Variants in L3MBTL3 observed in about 807,000 individuals in gnomAD.
L3MBTL3 encodes the protein L3MBTL histone methyl-lysine binding protein 3.
In L3MBTL3, 27 loss-of-function variants were observed where a neutral mutation model predicts 102.3. That is an observed-to-expected ratio of 0.26 (90% CI 0.19 to 0.36). The LOEUF (loss-of-function observed/expected upper bound fraction) is 0.36, where lower values mean the gene tolerates loss of function less well. L3MBTL3 is among the 10% of genes least tolerant of loss of function. L3MBTL3 has a pLI of 1.00. For missense variants in L3MBTL3, 798 were observed against 955.3 expected (o/e 0.84, Z 2.17); for synonymous variants, 340 against 320.9 (o/e 1.06, Z -0.64).
chr6:130,121,155 C>G lies in L3MBTL3; in HGVS notation c.1966+197C>G, dbSNP rs77000706. ...ACTCGTGTCATGAGGGTTTGTTATA[C>G]AGATTATTTCATCACCCACGAATTA... On this transcript the variant is annotated intron_variant, in intron 20 of 22. Coordinates refer to ENST00000361794, the MANE Select transcript of L3MBTL3 (RefSeq NM_032438.4). 2.0e-3 allele frequency among the ~76,000 whole-genome samples: 306 copies of G among 152,202 alleles called. 1 individual carries two copies. The highest frequency in any genetic ancestry group is 7.2e-3 in the African/African-American group (299 of 41,524).
Position 130,066,503 on chromosome 6 carries a change from TG to T in L3MBTL3, c.1000+16del. The T allele has an allele frequency of 6.2e-7, 1 of 1,602,742 alleles. No individual in the cohort carries two copies. The highest frequency in any genetic ancestry group is 1.3e-5 in the African/African-American group (1 of 74,678). On this transcript the variant is annotated intron_variant, in intron 11 of 22. Transcript: ENST00000361794. ...TCCTCCAAAAGGTTTTGTCACTTTT[TG>T]TTTGATATTTTAAATTCAGTAAAAA... is the stretch of plus-strand genomic sequence containing the variant.
intron 2 of L3MBTL3, among the ~76,000 whole-genome samples, chr6:130,029,635 A>G (rs1562248881): frequency 6.6e-6 from 1 of 152,148 alleles, no homozygotes; most frequent in Non-Finnish European, 1.5e-5. Flanking sequence ...ATTGTTCTTG[A>G]CTGCCCTGCT....
At chr6:130,125,521 A>G (rs1786538468) in intron 20 of L3MBTL3, among the ~76,000 whole-genome samples, 1 of 152,168 alleles carries the variant, frequency 6.6e-6, no homozygotes, top group Admixed American at 6.5e-5. Context: ...CGTCCCGAGA[A>G]GTTTTCCCAA....
intron 19 of L3MBTL3, among the ~76,000 whole-genome samples, chr6:130,112,715 G>A (rs1001520423): frequency 2.3e-5 from 3 of 133,138 alleles, no homozygotes; most frequent in Admixed American, 2.2e-4. Context: ...ATATTAAGAC[G>A]GTCCCACCCT....
At chr6:130,077,794 C>T (rs1026057322) in intron 13 of L3MBTL3, among the ~76,000 whole-genome samples, 5 of 152,176 alleles carry the variant, frequency 3.3e-5, no homozygotes, top group African/African-American at 9.6e-5. Flanking sequence ...ACTCAACAGA[C>T]CTCCTAGTTA....
At chr6:130,033,837 T>C (rs975685269) in intron 2 of L3MBTL3, among the ~76,000 whole-genome samples, 1 of 152,272 alleles carries the variant, frequency 6.6e-6, no homozygotes, top group Non-Finnish European at 1.5e-5. Context: ...TTAACTGGTC[T>C]TGATGAATGT....
At chr6:130,020,754 A>T (rs1209519054) in intron 1 of L3MBTL3, 1 of 140,020 alleles carries the variant, frequency 7.1e-6, no homozygotes, top group Non-Finnish European at 1.5e-5. Context: ...CGATTTTTTG[A>T]GGGGACCCGA....
chr6:130,034,113 T>C (rs1475349464), intron 2 of L3MBTL3, among the ~76,000 whole-genome samples: 1 of 152,166 alleles, frequency 6.6e-6, no homozygotes, highest in Non-Finnish European at 1.5e-5. Context: ...GGAACCCAGC[T>C]CGTAGGAGTC....
intron 18 of L3MBTL3, among the ~76,000 whole-genome samples, chr6:130,097,678 G>T (rs538680633): frequency 6.6e-6 from 1 of 152,266 alleles, no homozygotes; most frequent in South Asian, 2.1e-4. Flanking sequence ...ATTAATATTG[G>T]TTGTGTCACA....
chr6:130,042,835 T>C (rs1780508476), intron 3 of L3MBTL3, 34 bp downstream of exon 3: 1 of 1,332,082 alleles, frequency 7.5e-7, no homozygotes, highest in Admixed American at 1.7e-5. Context: ...ATTATGTGTG[T>C]GTGCATCTGT....
In L3MBTL3 at chr6:130,051,281, T is replaced by C. The variant is rs765158154; in HGVS notation, c.322T>C (p.Leu108=). ...AGAGAAGACTGGGATGCCTTTCAGGTTGAAGGATCCAGTGAAAGTAGAAGG... is the reference window on the plus strand; with the variant it reads ...AGAGAAGACTGGGATGCCTTTCAGGCTGAAGGATCCAGTGAAAGTAGAAGG... The part of the protein sequence containing the change: ...FSEKTGMPFR[L]KDPVKVEGLQ... Residue 108 remains leucine (L), a synonymous_variant, in exon 6 of 23, where the codon TTG becomes CTG. Coordinates refer to ENST00000361794, the MANE Select transcript of L3MBTL3 (RefSeq NM_032438.4). The C allele has an allele frequency of 5.0e-6, 8 of 1,613,824 alleles. No homozygotes were observed. Among genetic ancestry groups the C allele is most frequent in the Non-Finnish European group, 6.8e-6 (8 of 1,179,828 alleles).
At chr6:130,044,537 A>G (rs571855077) in intron 3 of L3MBTL3, among the ~76,000 whole-genome samples, 52 of 152,264 alleles carry the variant, frequency 3.4e-4, no homozygotes, top group African/African-American at 1.1e-3. Flanking sequence ...AAATTAACCT[A>G]TTACTTGTAT....
intron 10 of L3MBTL3, among the ~76,000 whole-genome samples, chr6:130,063,030 G>A (rs1326524732): frequency 7.7e-6 from 1 of 130,252 alleles, no homozygotes; most frequent in Non-Finnish European, 1.6e-5. Context: ...CCTTTGCAAT[G>A]CAATGGTAAG....
chr6:130,066,296 A>ATATATATATATG lies in L3MBTL3; in HGVS notation c.865-50_865-49insATATGTATATAT. On this transcript the variant is annotated intron_variant, in intron 10 of 22. Transcript: ENST00000361794. ...CATGTTTATTTTTGTGTATATATAT[A>ATATATATATATG]TATATATGAATATTCTGAGTTAAAA... 3.2e-6 allele frequency: 2 copies of ATATATATATATG among 630,560 alleles called. 1 individual carries two copies. Among genetic ancestry groups the ATATATATATATG allele is most frequent in the Non-Finnish European group, 4.9e-6 (2 of 404,898 alleles). The allele number at this position is 630,560 out of a possible 1,614,324, so 39.1% of individuals were successfully genotyped here.
chr6:130,053,973 A>G (rs1397827887), intron 7 of L3MBTL3, among the ~76,000 whole-genome samples: 1 of 152,214 alleles, frequency 6.6e-6, no homozygotes, highest in East Asian at 1.9e-4. Context: ...AACAGGAGAA[A>G]TGTCACCTAG....
At chr6:130,032,310 C>T (rs1779777177) in intron 2 of L3MBTL3, among the ~76,000 whole-genome samples, 1 of 152,130 alleles carries the variant, frequency 6.6e-6, no homozygotes, top group South Asian at 2.1e-4. Context: ...AGAGTAGCGT[C>T]TGCTGTTGTG....
At chr6:130,045,494 G>A (rs1464245525) in intron 3 of L3MBTL3, among the ~76,000 whole-genome samples, 1 of 152,058 alleles carries the variant, frequency 6.6e-6, no homozygotes, top group African/African-American at 2.4e-5. Flanking sequence ...GATAGTTTTT[G>A]TCTCGTCAGT....
intron 6 of L3MBTL3, 97 bp from the exon 7 acceptor site, chr6:130,052,762 G>A (rs947158145): frequency 2.1e-6 from 3 of 1,427,784 alleles, no homozygotes; most frequent in Admixed American, 2.6e-5. Context: ...CCTTTGCAGG[G>A]TGATTTTTTT....
intron 9 of L3MBTL3, among the ~76,000 whole-genome samples, chr6:130,059,586 G>A (rs1236653678): frequency 1.3e-5 from 2 of 152,200 alleles, no homozygotes; most frequent in South Asian, 2.1e-4. Context: ...CCTAGAGTTA[G>A]AATTGTTGTA....
Sources: allele counts gnomAD v4.1 joint callset (sites outside exome capture counted in the v4.1 genomes callset), GRCh38; gene constraint gnomAD v4.1.1; transcripts MANE v1.5; gene names NCBI Gene and HGNC (gene_info 2026-07-23, HGNC 2026-07-21).